FSTL5: variants seen among roughly 807,000 people sequenced by gnomAD.
FSTL5 encodes follistatin like 5.
A neutral mutation model predicts 89.1 loss-of-function variants in FSTL5; 62 were observed. The observed-to-expected ratio is 0.70, with a 90% CI of 0.57 to 0.86. The LOEUF (loss-of-function observed/expected upper bound fraction) is 0.86, where lower values mean the gene tolerates loss of function less well. Ranked by LOEUF, FSTL5 falls within the 40% of genes least tolerant of loss-of-function variation. The pLI, the probability that FSTL5 is intolerant of heterozygous loss-of-function variation, is 0.00. For missense variants in FSTL5, 1,057 were observed against 1,001.6 expected (o/e 1.06, Z -0.75); for synonymous variants, 383 against 346.2 (o/e 1.11, Z -1.18).
intron 6 of FSTL5, among the ~76,000 whole-genome samples, chr4:161,723,057 G>T (rs943009185): frequency 3.9e-5 from 6 of 152,104 alleles, no homozygotes; most frequent in African/African-American, 1.4e-4. Context: ...CAGCCAGAAA[G>T]TACATTTCTG....
At chr4:161,620,584 G>A (rs921486858) in intron 7 of FSTL5, among the ~76,000 whole-genome samples, 2 of 152,076 alleles carry the variant, frequency 1.3e-5, no homozygotes, top group African/African-American at 4.8e-5. Context: ...TGAACGCGAA[G>A]GGTGGAGGTT....
intron 3 of FSTL5, among the ~76,000 whole-genome samples, chr4:161,995,775 T>G (rs1469449009): frequency 6.6e-6 from 1 of 151,990 alleles, no homozygotes; most frequent in Non-Finnish European, 1.5e-5. Flanking sequence ...GAGTTTTTTT[T>G]TTTTTTTTAA....
At chr4:162,085,414 T>C (rs575636341) in intron 2 of FSTL5, among the ~76,000 whole-genome samples, 58 of 152,134 alleles carry the variant, frequency 3.8e-4, no homozygotes, top group Admixed American at 6.6e-4. Context: ...AATTTCAGTA[T>C]AAGAAAGTTT....
intron 3 of FSTL5, among the ~76,000 whole-genome samples, chr4:161,921,822 A>G (rs1343810993): frequency 2.6e-5 from 4 of 152,082 alleles, no homozygotes; most frequent in Admixed American, 1.3e-4. Flanking sequence ...TCTGTAAAAT[A>G]GGGATAACAA....
chr4:162,055,049 T>C (rs958503077), intron 2 of FSTL5, among the ~76,000 whole-genome samples: 2 of 151,900 alleles, frequency 1.3e-5, no homozygotes, highest in African/African-American at 4.8e-5. Flanking sequence ...TTTTTGTGGA[T>C]AGCATGTATG....
intron 3 of FSTL5, among the ~76,000 whole-genome samples, chr4:161,947,142 A>ATGTGTGTGTGTG (rs70937698): frequency 1.3e-5 from 2 of 148,476 alleles, no homozygotes; most frequent in East Asian, 2.0e-4. Context: ...GTGTGTGTGT[A>ATGTGTGTGTGTG]TGTGTGTGTG....
chr4:161,653,182 G>A (rs901974161), intron 7 of FSTL5, among the ~76,000 whole-genome samples: 66 of 152,078 alleles, frequency 4.3e-4, no homozygotes, highest in African/African-American at 1.6e-3. Flanking sequence ...GAACATTCAA[G>A]AGAGCAGAGT....
At chr4:161,651,053 C>T (rs1035031706) in intron 7 of FSTL5, among the ~76,000 whole-genome samples, 1 of 151,984 alleles carries the variant, frequency 6.6e-6, no homozygotes, top group Non-Finnish European at 1.5e-5. Context: ...ATTTTATTTC[C>T]TCTCCAGGTT....
At chr4:161,912,674 G>A (rs534484189) in intron 4 of FSTL5, among the ~76,000 whole-genome samples, 2 of 152,156 alleles carry the variant, frequency 1.3e-5, no homozygotes, top group African/African-American at 4.8e-5. Context: ...ATTGGTACCA[G>A]TAGAGTAGTG....
intron 3 of FSTL5, among the ~76,000 whole-genome samples, chr4:161,928,200 G>A (rs1734182749): frequency 6.6e-6 from 1 of 151,746 alleles, no homozygotes; most frequent in Admixed American, 6.6e-5. Flanking sequence ...TTAATGATAT[G>A]GATTTAAGAT....
At chr4:161,551,779 C>T (rs1020630074) in intron 8 of FSTL5, among the ~76,000 whole-genome samples, 11 of 151,922 alleles carry the variant, frequency 7.2e-5, no homozygotes, top group African/African-American at 2.2e-4. Flanking sequence ...AACTGGCTAG[C>T]CATATGTAGA....
At chr4:161,562,297 G>C (rs12501403) in intron 8 of FSTL5, among the ~76,000 whole-genome samples, 71,171 of 151,752 alleles carry the variant, frequency 0.47, 16,933 homozygotes, top group Middle Eastern at 0.6. Flanking sequence ...CACGCAGGAT[G>C]ATTTTGACAA....
chr4:161,699,565 C>T (rs922219036), intron 6 of FSTL5, among the ~76,000 whole-genome samples: 3 of 152,126 alleles, frequency 2.0e-5, no homozygotes. Context: ...TATAGCTTTT[C>T]ATTATTTCAT....
intron 3 of FSTL5, among the ~76,000 whole-genome samples, chr4:161,995,213 A>G (rs963119074): frequency 2.0e-5 from 3 of 152,202 alleles, no homozygotes; most frequent in Non-Finnish European, 4.4e-5. Flanking sequence ...TTAATATAAT[A>G]ATGGTGTTTT....
intron 15 of FSTL5, among the ~76,000 whole-genome samples, chr4:161,402,216 C>A (rs1259412175): frequency 1.3e-5 from 2 of 152,122 alleles, no homozygotes; most frequent in African/African-American, 4.8e-5. Context: ...ACAAATGCAT[C>A]ATTTGCAACA....
chr4:161,563,360 T>A (rs953784293), intron 8 of FSTL5, among the ~76,000 whole-genome samples: 1 of 152,024 alleles, frequency 6.6e-6, no homozygotes, highest in African/African-American at 2.4e-5. Context: ...GCTATTTTTT[T>A]AGAAATGAAT....
chr4:161,946,076 G>T (rs1734726852), intron 3 of FSTL5, among the ~76,000 whole-genome samples: 1 of 152,032 alleles, frequency 6.6e-6, no homozygotes, highest in South Asian at 2.1e-4. Context: ...GTTTGTCTAT[G>T]ATTTCTTTAT....
intron 2 of FSTL5, among the ~76,000 whole-genome samples, chr4:162,073,945 G>A (rs1729731251): frequency 1.3e-5 from 2 of 151,678 alleles, no homozygotes; most frequent in Non-Finnish European, 3.0e-5. Context: ...GCAATAGGAA[G>A]TAATACATGT....
At chr4:161,701,233 T>C (rs1287617977) in intron 6 of FSTL5, among the ~76,000 whole-genome samples, 1 of 152,190 alleles carries the variant, frequency 6.6e-6, no homozygotes, top group Non-Finnish European at 1.5e-5. Flanking sequence ...CTATGCATAA[T>C]TTGATGCGTT....
Sources: gnomAD v4.1 joint callset for allele counts (sites outside exome capture counted in the v4.1 genomes callset) on GRCh38, gnomAD v4.1.1 for gene constraint, MANE v1.5 for transcripts, NCBI Gene and HGNC (gene_info 2026-07-23, HGNC 2026-07-21) for gene names.